CSMD1: variants seen among roughly 807,000 people sequenced by gnomAD.
The protein encoded by CSMD1 is CUB and sushi domain-containing protein 1.
A neutral mutation model predicts 417.5 loss-of-function variants in CSMD1; 213 were observed. The observed-to-expected ratio is 0.51, with a 90% CI of 0.46 to 0.57. The LOEUF (loss-of-function observed/expected upper bound fraction) is 0.57, where lower values mean the gene tolerates loss of function less well. Ranked by LOEUF, CSMD1 falls within the 20% of genes least tolerant of loss-of-function variation. The probability of loss-of-function intolerance (pLI) is 0.00; values close to 1 mark genes in which losing one functional copy is unlikely to be tolerated. For synonymous variants in CSMD1, 2,862 were observed against 1,736.8 expected (o/e 1.65, Z -16.11); for missense variants, 6,923 against 4,529.7 (o/e 1.53, Z -15.17).
chr8:4,461,958 GGC>G (rs1799860634), intron 2 of CSMD1, among the ~76,000 whole-genome samples: 2 of 151,884 alleles, frequency 1.3e-5, no homozygotes, highest in Admixed American at 6.6e-5. Context: ...AGCCAGGATG[GGC>G]TCTATCTCCC....
chr8:3,167,342 T>C (rs1441138857), intron 37 of CSMD1, among the ~76,000 whole-genome samples: 1 of 151,006 alleles, frequency 6.6e-6, no homozygotes, highest in Non-Finnish European at 1.5e-5. Context: ...TGGCTATCAC[T>C]TTTAATGGCA....
chr8:3,996,644 A>T (rs1237041418), intron 5 of CSMD1, among the ~76,000 whole-genome samples: 1 of 152,246 alleles, frequency 6.6e-6, no homozygotes, highest in Non-Finnish European at 1.5e-5. Context: ...AAAGTCATAC[A>T]ACCTACATTA....
intron 10 of CSMD1, among the ~76,000 whole-genome samples, chr8:3,553,526 G>C (rs758525889): frequency 2.6e-5 from 4 of 152,146 alleles, no homozygotes; most frequent in Non-Finnish European, 4.4e-5. Context: ...GTAGAAGCAG[G>C]ATTGCTGCCG....
At chr8:3,546,559 C>T (rs549365105) in intron 10 of CSMD1, among the ~76,000 whole-genome samples, 1 of 151,964 alleles carries the variant, frequency 6.6e-6, no homozygotes, top group South Asian at 2.1e-4. Flanking sequence ...AATCCTGATA[C>T]TGTCACCATA....
chr8:4,104,917 G>C (rs558664019), intron 3 of CSMD1, among the ~76,000 whole-genome samples: 70 of 152,144 alleles, frequency 4.6e-4, no homozygotes, highest in African/African-American at 1.7e-3. Context: ...CTGTGAGTGA[G>C]AATTACACAA....
At chr8:4,177,438 G>C (rs374431873) in intron 3 of CSMD1, among the ~76,000 whole-genome samples, 6 of 152,114 alleles carry the variant, frequency 3.9e-5, no homozygotes, top group Admixed American at 2.0e-4. Context: ...GCAGTGTGTA[G>C]AGGGAAACTT....
intron 1 of CSMD1, among the ~76,000 whole-genome samples, chr8:4,935,121 T>G (rs1807519655): frequency 6.6e-6 from 1 of 152,220 alleles, no homozygotes; most frequent in Admixed American, 6.5e-5. Flanking sequence ...TCCTTATAGC[T>G]CACCACTTTC....
intron 5 of CSMD1, among the ~76,000 whole-genome samples, chr8:3,929,616 T>G (rs562995795): frequency 6.6e-6 from 1 of 150,754 alleles, no homozygotes; most frequent in East Asian, 1.9e-4. Flanking sequence ...ATTTTGTCTT[T>G]AAAAGGAAGA....
At chr8:4,795,251 G>GGTTTTTTTTTTTTT (rs1797912090) in intron 1 of CSMD1, among the ~76,000 whole-genome samples, 1 of 85,246 alleles carries the variant, frequency 1.2e-5, no homozygotes, top group Non-Finnish European at 2.5e-5. Context: ...TGGTGTCATA[G>GGTTTTTTTTTTTTT]CTTTTTTTTT....
intron 2 of CSMD1, among the ~76,000 whole-genome samples, chr8:4,437,271 T>G (rs889798279): frequency 1.3e-5 from 2 of 152,220 alleles, no homozygotes; most frequent in Non-Finnish European, 2.9e-5. Flanking sequence ...AAAAGTAAAC[T>G]TCCTTTTAAG....
At chr8:3,591,915 T>C (rs186011591) in intron 8 of CSMD1, among the ~76,000 whole-genome samples, 24 of 151,904 alleles carry the variant, frequency 1.6e-4, no homozygotes, top group Admixed American at 5.2e-4. Flanking sequence ...AATATATGGA[T>C]TAGACAGATA....
At chr8:4,126,777 C>A (rs752457210) in intron 3 of CSMD1, among the ~76,000 whole-genome samples, 1 of 152,180 alleles carries the variant, frequency 6.6e-6, no homozygotes, top group Non-Finnish European at 1.5e-5. Context: ...CTCATAGAAA[C>A]AGGCAACACT....
chr8:4,832,033 C>T (rs1322500858), intron 1 of CSMD1, among the ~76,000 whole-genome samples: 1 of 152,202 alleles, frequency 6.6e-6, no homozygotes, highest in Admixed American at 6.5e-5. Flanking sequence ...CCAAGCAATG[C>T]CACATGTTAC....
chr8:3,589,672 A>G (rs185235751), intron 8 of CSMD1, among the ~76,000 whole-genome samples: 200 of 152,226 alleles, frequency 1.3e-3, no homozygotes, highest in Non-Finnish European at 1.7e-3. Context: ...TAAGCTCAGG[A>G]GATCTACTAC....
chr8:4,224,800 T>G (rs1801247195), intron 3 of CSMD1, among the ~76,000 whole-genome samples: 2 of 152,344 alleles, frequency 1.3e-5, no homozygotes, highest in African/African-American at 4.8e-5. Context: ...AAATGTGTGT[T>G]CATAATATTC....
At chr8:3,221,961 C>G (rs77318847) in intron 28 of CSMD1, among the ~76,000 whole-genome samples, 1,798 of 152,238 alleles carry the variant, frequency 0.012, 57 homozygotes, top group East Asian at 0.093. Flanking sequence ...GGCCAGCCCT[C>G]ATCAGCGCCA....
chr8:3,876,471 T>TA (rs1243184869), intron 5 of CSMD1, among the ~76,000 whole-genome samples: 1 of 152,234 alleles, frequency 6.6e-6, no homozygotes, highest in Non-Finnish European at 1.5e-5. Context: ...TGGAGAGTCC[T>TA]AACAGAATTG....
intron 23 of CSMD1, among the ~76,000 whole-genome samples, chr8:3,338,153 C>T (rs1807396205): frequency 6.6e-6 from 1 of 152,152 alleles, no homozygotes; most frequent in African/African-American, 2.4e-5. Flanking sequence ...GGTGCTAAAA[C>T]CAGCCACAAG....
intron 3 of CSMD1, among the ~76,000 whole-genome samples, chr8:4,117,140 G>A (rs1802200739): frequency 6.6e-6 from 1 of 151,714 alleles, no homozygotes; most frequent in South Asian, 2.1e-4. Flanking sequence ...TAGCCAAGGA[G>A]AAAAGACAGA....
Sources: allele counts gnomAD v4.1 joint callset (sites outside exome capture counted in the v4.1 genomes callset), GRCh38; gene constraint gnomAD v4.1.1; transcripts MANE v1.5; gene names NCBI Gene and HGNC (gene_info 2026-07-23, HGNC 2026-07-21).